Variants in KCNMB2 observed in about 807,000 individuals in gnomAD.
KCNMB2 encodes calcium-activated potassium channel subunit beta-2.
KCNMB2 carries 9 observed loss-of-function variants against 24.5 expected under a neutral mutation model. That is an observed-to-expected ratio of 0.37 (90% CI 0.22 to 0.64). The LOEUF (loss-of-function observed/expected upper bound fraction) is 0.64. KCNMB2 is among the 30% of genes least tolerant of loss of function. The probability of loss-of-function intolerance (pLI) is 0.63; values close to 1 mark genes in which losing one functional copy is unlikely to be tolerated. For missense variants in KCNMB2, 226 were observed against 284.3 expected, an observed-to-expected ratio of 0.79 and a Z score of 1.47; for synonymous variants, 109 against 104.4, an observed-to-expected ratio of 1.04 and a Z score of -0.27.
At chr3:178,679,462 T>A (rs1044321905) in intron 1 of KCNMB2, among the ~76,000 whole-genome samples, 1 of 152,206 alleles carries the variant, frequency 6.6e-6, no homozygotes, top group Non-Finnish European at 1.5e-5. Flanking sequence ...AAAGCCTGAT[T>A]TTTAGTAGGT....
At chr3:178,595,408 G>A (rs1717832033) in intron 1 of KCNMB2, among the ~76,000 whole-genome samples, 2 of 152,018 alleles carry the variant, frequency 1.3e-5, no homozygotes, top group South Asian at 4.1e-4. Flanking sequence ...AAAGCCCGAG[G>A]TCCTGCTCAT....
intron 1 of KCNMB2, among the ~76,000 whole-genome samples, chr3:178,658,088 G>A (rs1338073045): frequency 6.6e-6 from 1 of 152,152 alleles, no homozygotes; most frequent in Non-Finnish European, 1.5e-5. Flanking sequence ...CATTACTTCT[G>A]TCTTGGTATT....
intron 1 of KCNMB2, among the ~76,000 whole-genome samples, chr3:178,554,913 T>G (rs1267332822): frequency 6.6e-6 from 1 of 152,214 alleles, no homozygotes; most frequent in Non-Finnish European, 1.5e-5. Flanking sequence ...TGGATAGAGG[T>G]TGTCTAGAGA....
chr3:178,556,679 A>G (rs1298594657), intron 1 of KCNMB2, among the ~76,000 whole-genome samples: 1 of 152,194 alleles, frequency 6.6e-6, no homozygotes, highest in Admixed American at 6.5e-5. Flanking sequence ...TGCTGGGATT[A>G]CAGGTGTAAG....
intron 1 of KCNMB2, among the ~76,000 whole-genome samples, chr3:178,587,890 T>TC (rs1486972191): frequency 2.4e-5 from 1 of 42,444 alleles, no homozygotes; most frequent in Non-Finnish European, 4.5e-5. Context: ...CCTCCCCCCC[T>TC]CCCCCCACCC....
intron 2 of KCNMB2, among the ~76,000 whole-genome samples, chr3:178,818,170 T>C (rs945056495): frequency 2.6e-5 from 4 of 152,210 alleles, no homozygotes; most frequent in African/African-American, 9.7e-5. Flanking sequence ...GGCCACGCTG[T>C]CTTTTGTTTC....
rs147866886 is a variant in KCNMB2 at position 178,817,218 on chromosome 3, T to TATATATATATACAC, written c.57-8361_57-8360insTACACATATATATA. Among the ~76,000 whole-genome samples the TATATATATATACAC allele has an allele frequency of 1.4e-4, 19 of 134,964 alleles. 1 individual carries two copies. The highest frequency in any genetic ancestry group is 6.0e-4 in the African/African-American group (18 of 30,082). The allele number at this position is 134,964 out of a possible 152,430, so 88.5% of individuals were successfully genotyped here. The stretch of plus-strand genomic sequence containing the variant: ...GACAAAATCCTTCATGTTAATGACA[T>TATATATATATACAC]ATATATATAAATGAAGTGTGACTGT... On this transcript the variant is annotated intron_variant, in intron 2 of 4. Coordinates refer to ENST00000452583, the MANE Select transcript of KCNMB2 (RefSeq NM_181361.3).
chr3:178,723,791 G>A (rs1009258252), intron 1 of KCNMB2, among the ~76,000 whole-genome samples: 3 of 152,100 alleles, frequency 2.0e-5, no homozygotes, highest in African/African-American at 7.2e-5. Context: ...GCCTCTAGCT[G>A]TATCCATGTT....
At chr3:178,590,287 C>A (rs1219123359) in intron 1 of KCNMB2, among the ~76,000 whole-genome samples, 1 of 152,060 alleles carries the variant, frequency 6.6e-6, no homozygotes, top group East Asian at 1.9e-4. Context: ...ACAATTTTAT[C>A]TGTACATTTT....
intron 2 of KCNMB2, among the ~76,000 whole-genome samples, chr3:178,814,115 A>G (rs1714309510): frequency 6.6e-6 from 1 of 152,122 alleles, no homozygotes; most frequent in East Asian, 1.9e-4. Flanking sequence ...TGAAACTAGT[A>G]CCCAATAGGT....
intron 1 of KCNMB2, among the ~76,000 whole-genome samples, chr3:178,701,610 T>C (rs1722099045): frequency 6.6e-6 from 1 of 151,376 alleles, no homozygotes; most frequent in South Asian, 2.1e-4. Flanking sequence ...GGGTGAAGGA[T>C]ACGAACAGAC....
intron 1 of KCNMB2, among the ~76,000 whole-genome samples, chr3:178,678,143 G>T (rs13081714): frequency 0.31 from 47,566 of 152,056 alleles, 7,893 homozygotes; most frequent in African/African-American, 0.42. Context: ...AGGAGGGTGA[G>T]CTAGTCAGTG....
At chr3:178,824,817 A>C (rs1225784510) in intron 2 of KCNMB2, 1 of 152,240 alleles carries the variant, frequency 6.6e-6, no homozygotes, top group Non-Finnish European at 1.5e-5. Flanking sequence ...CACAGCTAAC[A>C]AGCAGTGAAA....
chr3:178,837,360 A>G lies in KCNMB2; in HGVS notation c.424-5293A>G, dbSNP rs142630613. ...GAAGGCTCTATTAACCCCATTATATAGTTTCAAAAAAATTGATTCTGAGAG... is the reference window on the plus strand; with the variant it reads ...GAAGGCTCTATTAACCCCATTATATGGTTTCAAAAAAATTGATTCTGAGAG... On this transcript the variant is annotated intron_variant, in intron 4 of 4. Coordinates refer to ENST00000452583, the MANE Select transcript of KCNMB2 (RefSeq NM_181361.3). Among the ~76,000 whole-genome samples the G allele has an allele frequency of 2.2e-3, 332 of 152,290 alleles. 4 individuals carry two copies. The highest frequency in any genetic ancestry group is 7.6e-3 in the African/African-American group (318 of 41,580).
intron 1 of KCNMB2, among the ~76,000 whole-genome samples, chr3:178,754,968 G>A (rs191130447): frequency 5.4e-4 from 82 of 152,358 alleles, no homozygotes; most frequent in South Asian, 1.2e-3. Flanking sequence ...AATCTGCCTT[G>A]CAGCCGTCAT....
chr3:178,542,069 G>A (rs943594381), intron 1 of KCNMB2, among the ~76,000 whole-genome samples: 5 of 152,140 alleles, frequency 3.3e-5, no homozygotes, highest in African/African-American at 1.2e-4. Context: ...CGTGTGTCAG[G>A]GATGAGGACC....
At chr3:178,838,979 C>T (rs1715332062) in intron 4 of KCNMB2, among the ~76,000 whole-genome samples, 1 of 152,146 alleles carries the variant, frequency 6.6e-6, no homozygotes, top group African/African-American at 2.4e-5. Context: ...CACAGTGTTT[C>T]AACTCACACT....
At chr3:178,577,931 G>A (rs1007686039) in intron 1 of KCNMB2, among the ~76,000 whole-genome samples, 3 of 152,160 alleles carry the variant, frequency 2.0e-5, no homozygotes, top group Non-Finnish European at 2.9e-5. Flanking sequence ...CAGGGAGAAT[G>A]GAACCAAGTT....
intron 1 of KCNMB2, among the ~76,000 whole-genome samples, chr3:178,581,468 G>C (rs777966519): frequency 6.6e-6 from 1 of 152,022 alleles, no homozygotes; most frequent in Admixed American, 6.6e-5. Flanking sequence ...CAAAGTCTTC[G>C]TGACTAAAAC....
Sources: allele counts gnomAD v4.1 joint callset (sites outside exome capture counted in the v4.1 genomes callset), GRCh38; gene constraint gnomAD v4.1.1; transcripts MANE v1.5; gene names NCBI Gene and HGNC (gene_info 2026-07-23, HGNC 2026-07-21).